Variants in TMOD1 observed in about 807,000 individuals in gnomAD.
The protein encoded by TMOD1 is tropomodulin-1.
In TMOD1, 17 loss-of-function variants were observed where a neutral mutation model predicts 40.6. The ratio of observed to expected loss-of-function variants is 0.42; its 90% CI spans 0.29 to 0.63. The LOEUF is 0.63. TMOD1 is among the 20% of genes least tolerant of loss of function. The pLI, the probability that TMOD1 is intolerant of heterozygous loss-of-function variation, is 0.22. For missense variants in TMOD1, 391 were observed against 447.6 expected, an observed-to-expected ratio of 0.87 and a Z score of 1.14; for synonymous variants, 181 against 175.0, an observed-to-expected ratio of 1.03 and a Z score of -0.27.
chr9:97,596,446 C>T (rs952605432), intron 9 of TMOD1, among the ~76,000 whole-genome samples: 19 of 152,336 alleles, frequency 1.2e-4, no homozygotes, highest in African/African-American at 4.1e-4. Context: ...AGAGACTGTT[C>T]TGAATACTTC....
chr9:97,542,531 C>T (rs67177022), intron 2 of TMOD1, among the ~76,000 whole-genome samples: 63,985 of 151,914 alleles, frequency 0.42, 13,725 homozygotes, highest in East Asian at 0.61. Context: ...TGCAGTGGCT[C>T]TCAATCAGGG....
At chr9:97,546,163 C>CT in intron 2 of TMOD1, 22 bp from the exon 3 acceptor site, 1 of 1,590,816 alleles carries the variant, frequency 6.3e-7, no homozygotes, top group Non-Finnish European at 8.5e-7. Context: ...TCTCTCCTGC[C>CT]CCCCCACAAC....
chr9:97,566,843 GTAT>G (rs1830736113), intron 7 of TMOD1, among the ~76,000 whole-genome samples: 1 of 144,900 alleles, frequency 6.9e-6, no homozygotes, highest in Non-Finnish European at 1.5e-5. Flanking sequence ...CAGCACATAT[GTAT>G]TGAGAGTCTC....
chr9:97,537,345 T>C (rs1263899600), intron 2 of TMOD1, among the ~76,000 whole-genome samples: 2 of 152,262 alleles, frequency 1.3e-5, no homozygotes, highest in Non-Finnish European at 2.9e-5. Context: ...TATGTACGTG[T>C]GTGTGCATGT....
At chr9:97,504,168 C>A (rs1829551295) in intron 1 of TMOD1, among the ~76,000 whole-genome samples, 1 of 152,184 alleles carries the variant, frequency 6.6e-6, no homozygotes, top group African/African-American at 2.4e-5. Flanking sequence ...ATGGAGACAA[C>A]AATAGCCCCA....
chr9:97,590,558 A>G (rs369117691), intron 8 of TMOD1, among the ~76,000 whole-genome samples: 25 of 152,032 alleles, frequency 1.6e-4, no homozygotes, highest in African/African-American at 6.0e-4. Context: ...TCCTGGCACT[A>G]TTATAACTGA....
intron 8 of TMOD1, among the ~76,000 whole-genome samples, chr9:97,580,261 T>C (rs1260929947): frequency 2.0e-5 from 3 of 152,174 alleles, no homozygotes; most frequent in Non-Finnish European, 4.4e-5. Context: ...ATTATTATTA[T>C]TAAACTTTTA....
chr9:97,587,989 T>A (rs2131289350), intron 8 of TMOD1, among the ~76,000 whole-genome samples: 1 of 152,394 alleles, frequency 6.6e-6, no homozygotes, highest in South Asian at 2.1e-4. Flanking sequence ...ACGTTGTGTG[T>A]ATCCATTCAT....
intron 3 of TMOD1, 41 bp from the exon 4 acceptor site, chr9:97,553,240 A>G: frequency 6.2e-7 from 1 of 1,612,182 alleles, no homozygotes; most frequent in Non-Finnish European, 8.5e-7. Flanking sequence ...AGGCTGTTCC[A>G]TTGCAGCCAC....
chr9:97,535,602 A>G (rs1208846068), intron 2 of TMOD1, among the ~76,000 whole-genome samples: 2 of 152,172 alleles, frequency 1.3e-5, no homozygotes, highest in Non-Finnish European at 2.9e-5. Context: ...GTCTCAGGAT[A>G]CCCAGTCCCC....
intron 2 of TMOD1, among the ~76,000 whole-genome samples, chr9:97,544,681 T>A (rs1357398603): frequency 6.6e-6 from 1 of 152,050 alleles, no homozygotes; most frequent in Non-Finnish European, 1.5e-5. Flanking sequence ...GAAAAGGATA[T>A]GGAGTTTGTG....
rs986614623 is a variant in TMOD1 at position 97,541,184 on chromosome 9, T to A, written c.121-5001T>A. On this transcript the variant is annotated intron_variant, in intron 2 of 9. Coordinates refer to ENST00000259365, the MANE Select transcript of TMOD1 (RefSeq NM_003275.4). ...CAGATCACTTGCCCATTTTAAAAAA[T>A]TTATTTATTTTTATTTTTATTTTTT... is the stretch of plus-strand genomic sequence containing the variant. Among the ~76,000 whole-genome samples the A allele has an allele frequency of 4.6e-4, 70 of 152,104 alleles. 2 individuals are homozygous for A. The highest frequency in any genetic ancestry group is 1.2e-4 in the Non-Finnish European group (8 of 68,032).
intron 8 of TMOD1, among the ~76,000 whole-genome samples, chr9:97,575,086 T>C (rs983485016): frequency 1.3e-5 from 2 of 152,170 alleles, no homozygotes; most frequent in African/African-American, 4.8e-5. Flanking sequence ...CTTTGTTCTT[T>C]CTCTGTTTGC....
chr9:97,540,917 C>T (rs942346670), intron 2 of TMOD1, among the ~76,000 whole-genome samples: 5 of 152,190 alleles, frequency 3.3e-5, no homozygotes, highest in African/African-American at 1.2e-4. Context: ...AATTGCACAA[C>T]TATTTTCCAA....
At chr9:97,597,653 G>C (rs1467780111) in intron 9 of TMOD1, among the ~76,000 whole-genome samples, 2 of 127,218 alleles carry the variant, frequency 1.6e-5, no homozygotes, top group African/African-American at 6.2e-5. Flanking sequence ...AGCCAAGATC[G>C]GGCCACTGCA....
chr9:97,581,522 G>A (rs573911743), intron 8 of TMOD1, among the ~76,000 whole-genome samples: 1,553 of 152,056 alleles, frequency 0.01, 24 homozygotes, highest in African/African-American at 0.036. Context: ...TGATGGGATG[G>A]CTGGGTCAAA....
chr9:97,569,143 T>C, intron 8 of TMOD1, 106 bp downstream of exon 8: 1 of 1,455,074 alleles, frequency 6.9e-7, no homozygotes. Context: ...TGATAGAAGC[T>C]CAGAGCCCAG....
Position 97,565,856 on chromosome 9 carries a change from C to G in TMOD1, c.627C>G (p.Pro209=), listed in dbSNP as rs370299212. The change falls in exon 7 of 10, where the codon CCC becomes CCG. Residue 209 remains proline, a synonymous_variant. Transcript: ENST00000259365. The part of the protein sequence containing the change: ...EVNLNNIRNI[P]IPTLKAYAEA... ...TGCCTTTCTTTGTGCAGAATATCCCCATCCCCACCCTCAAGGCATATGCAG... is the reference window on the plus strand; with the variant it reads ...TGCCTTTCTTTGTGCAGAATATCCCGATCCCCACCCTCAAGGCATATGCAG... 2 of 1,613,766 alleles carry G rather than the reference C, an allele frequency of 1.2e-6. No homozygotes were observed. Among genetic ancestry groups the G allele is most frequent in the East Asian group, 4.5e-5 (2 of 44,892 alleles).
intron 1 of TMOD1, among the ~76,000 whole-genome samples, chr9:97,509,789 CTG>C (rs1237300104): frequency 6.6e-6 from 1 of 152,214 alleles, no homozygotes; most frequent in Non-Finnish European, 1.5e-5. Flanking sequence ...CTTGTCAACA[CTG>C]GGAATTCTCA....
Sources: gnomAD v4.1 joint callset for allele counts (sites outside exome capture counted in the v4.1 genomes callset) on GRCh38, gnomAD v4.1.1 for gene constraint, MANE v1.5 for transcripts, NCBI Gene and HGNC (gene_info 2026-07-23, HGNC 2026-07-21) for gene names.